APBA2: variants seen among roughly 807,000 people sequenced by gnomAD.
The protein encoded by APBA2 is amyloid beta precursor protein binding family A member 2.
Under a neutral mutation model 75.0 loss-of-function variants are expected in APBA2, and 30 were observed. That is an observed-to-expected ratio of 0.40 (90% CI 0.30 to 0.54). The LOEUF (loss-of-function observed/expected upper bound fraction) is 0.54. APBA2 is among the 20% of genes least tolerant of loss of function. The pLI is 0.49. For synonymous variants in APBA2, 444 were observed against 409.6 expected (o/e 1.08, Z -1.01); for missense variants, 801 against 1,016.1 (o/e 0.79, Z 2.88).
intron 2 of APBA2, among the ~76,000 whole-genome samples, chr15:28,954,641 T>C (rs2036070208): frequency 6.6e-6 from 1 of 152,184 alleles, no homozygotes; most frequent in Non-Finnish European, 1.5e-5. Context: ...GTCTGCCTTC[T>C]TCAGCCCTGG....
At chr15:29,004,871 C>T (rs966473043) in intron 3 of APBA2, among the ~76,000 whole-genome samples, 1 of 151,944 alleles carries the variant, frequency 6.6e-6, no homozygotes, top group Non-Finnish European at 1.5e-5. Context: ...GTAGAGATGG[C>T]GTTTCTCCAT....
rs532243867 is a variant in APBA2 at position 28,890,052 on chromosome 15, G to T, written c.-205+3774G>T. 2.1e-4 allele frequency among the ~76,000 whole-genome samples: 31 copies of T among 148,058 alleles called. 1 individual carries two copies. The highest frequency in any genetic ancestry group is 7.6e-4 in the African/African-American group (31 of 40,578). ...GGATGAGTGAGTGAACGAAACACGG[G>T]AGCAGTAGTCTCCTTGCAGCACATG... On this transcript the variant is annotated intron_variant, in intron 1 of 14. Coordinates refer to ENST00000683413, the MANE Select transcript of APBA2 (RefSeq NM_001353788.2).
At chr15:28,951,127 C>T (rs2035845623) in intron 2 of APBA2, among the ~76,000 whole-genome samples, 1 of 152,152 alleles carries the variant, frequency 6.6e-6, no homozygotes. Context: ...GTCATCATTC[C>T]TTAAACAATA....
chr15:28,954,460 G>T (rs76989527), intron 2 of APBA2, among the ~76,000 whole-genome samples: 4,072 of 152,222 alleles, frequency 0.027, 156 homozygotes, highest in East Asian at 0.17. Context: ...CTTCGTGTTG[G>T]TTCCAACGTT....
At chr15:28,889,330 G>A (rs2031976675) in intron 1 of APBA2, among the ~76,000 whole-genome samples, 1 of 152,186 alleles carries the variant, frequency 6.6e-6, no homozygotes, top group African/African-American at 2.4e-5. Flanking sequence ...CGTACTGGTG[G>A]GGTGCCACTG....
At chr15:29,072,216 T>C (rs1041607060) in intron 4 of APBA2, among the ~76,000 whole-genome samples, 1 of 152,162 alleles carries the variant, frequency 6.6e-6, no homozygotes, top group African/African-American at 2.4e-5. Context: ...TGGGGTTTTT[T>C]TGGAGATGAC....
At chr15:28,964,484 G>A (rs1407708689) in intron 2 of APBA2, among the ~76,000 whole-genome samples, 1 of 136,456 alleles carries the variant, frequency 7.3e-6, no homozygotes, top group Non-Finnish European at 1.5e-5. Flanking sequence ...CATCACTTTT[G>A]CTCATTTTTT....
In APBA2 at chr15:28,972,037, A is replaced by G. The variant is rs76797296; in HGVS notation, c.-94-23716A>G. On this transcript the variant is annotated intron_variant, in intron 2 of 14. Coordinates refer to ENST00000683413, the MANE Select transcript of APBA2 (RefSeq NM_001353788.2). ...CTTCATAAAATAAGACTGGAAATGG[A>G]TAAACAACGGGAGATATGAAATGAG... is the stretch of plus-strand genomic sequence containing the variant. Among the ~76,000 whole-genome samples, 23 of 152,372 alleles carry G rather than the reference A, an allele frequency of 1.5e-4. No individual in the cohort carries two copies. The East Asian group carries it at 4.2e-3, about 28-fold the overall frequency.
At chr15:28,976,813 T>G (rs2037360559) in intron 2 of APBA2, among the ~76,000 whole-genome samples, 1 of 152,156 alleles carries the variant, frequency 6.6e-6, no homozygotes, top group Admixed American at 6.5e-5. Flanking sequence ...GGTTTTAGTG[T>G]GGAGATTATA....
intron 4 of APBA2, among the ~76,000 whole-genome samples, chr15:29,057,148 A>C (rs1462448097): frequency 6.6e-6 from 1 of 152,136 alleles, no homozygotes; most frequent in East Asian, 1.9e-4. Context: ...GTAAAAAAAA[A>C]ATCTGAAGGG....
At chr15:29,081,991 G>T (rs899855757) in intron 6 of APBA2, among the ~76,000 whole-genome samples, 2 of 152,238 alleles carry the variant, frequency 1.3e-5, no homozygotes, top group African/African-American at 4.8e-5. Flanking sequence ...GCTGCTGTTG[G>T]TCATGTATGA....
At chr15:28,943,925 G>A (rs918741309) in intron 2 of APBA2, among the ~76,000 whole-genome samples, 1 of 152,090 alleles carries the variant, frequency 6.6e-6, no homozygotes, top group African/African-American at 2.4e-5. Flanking sequence ...GGGGAGGCTG[G>A]GGTGGCCGCT....
At chr15:29,106,560 C>T (rs911480525) in intron 11 of APBA2, 47 bp from the exon 12 acceptor site, 4 of 1,606,970 alleles carry the variant, frequency 2.5e-6, no homozygotes, top group Admixed American at 1.7e-5. Context: ...TGGCAGAGGC[C>T]TCGGTCCTTG....
intron 2 of APBA2, among the ~76,000 whole-genome samples, chr15:28,976,028 T>C (rs1383715568): frequency 2.6e-5 from 4 of 152,252 alleles, no homozygotes; most frequent in African/African-American, 7.2e-5. Flanking sequence ...TCATGGCATA[T>C]GGAGATCTTA....
At chr15:28,972,883 C>T (rs1406965885) in intron 2 of APBA2, among the ~76,000 whole-genome samples, 1 of 152,192 alleles carries the variant, frequency 6.6e-6, no homozygotes, top group Non-Finnish European at 1.5e-5. Flanking sequence ...CCTGAAAAAA[C>T]CTATTGTTGG....
chr15:28,891,467 A>G (rs995910293), intron 1 of APBA2, among the ~76,000 whole-genome samples: 6 of 152,104 alleles, frequency 3.9e-5, no homozygotes, highest in Non-Finnish European at 8.8e-5. Context: ...CTAATTTTCA[A>G]CACGTGCCGA....
At chr15:28,990,035 G>A (rs2038138149) in intron 2 of APBA2, among the ~76,000 whole-genome samples, 1 of 152,242 alleles carries the variant, frequency 6.6e-6, no homozygotes. Context: ...GGGGAACTGT[G>A]TTCCTGTCTA....
intron 2 of APBA2, among the ~76,000 whole-genome samples, chr15:28,978,153 G>A (rs949147340): frequency 1.3e-5 from 2 of 152,214 alleles, no homozygotes; most frequent in African/African-American, 4.8e-5. Context: ...CTCACTACAA[G>A]ATGAGGGCCC....
chr15:28,998,818 A>G (rs376712689), intron 3 of APBA2, among the ~76,000 whole-genome samples: 1 of 152,170 alleles, frequency 6.6e-6, no homozygotes, highest in Admixed American at 6.5e-5. Flanking sequence ...TGAGATCCCT[A>G]CCTCACAGCA....
Sources: gnomAD v4.1 joint callset for allele counts (sites outside exome capture counted in the v4.1 genomes callset) on GRCh38, gnomAD v4.1.1 for gene constraint, MANE v1.5 for transcripts, NCBI Gene and HGNC (gene_info 2026-07-23, HGNC 2026-07-21) for gene names.